CADPS: variants seen among roughly 807,000 people sequenced by gnomAD.
CADPS encodes calcium-dependent secretion activator 1.
Under a neutral mutation model 167.3 loss-of-function variants are expected in CADPS, and 57 were observed. The ratio of observed to expected loss-of-function variants is 0.34; its 90% CI spans 0.28 to 0.42. The LOEUF is 0.42. Among genes scored for constraint, CADPS ranks in the 20% least tolerant of loss-of-function variants. The pLI, the probability that CADPS is intolerant of heterozygous loss-of-function variation, is 1.00. For missense variants in CADPS, 1,414 were observed against 1,738.1 expected, an observed-to-expected ratio of 0.81 and a Z score of 3.32; for synonymous variants, 676 against 635.3, an observed-to-expected ratio of 1.06 and a Z score of -0.96.
intron 1 of CADPS, among the ~76,000 whole-genome samples, chr3:62,787,474 C>T (rs1316980250): frequency 6.6e-6 from 1 of 151,722 alleles, no homozygotes; most frequent in Non-Finnish European, 1.5e-5. Context: ...TTTATCATAC[C>T]ATTGATAAAT....
intron 8 of CADPS, among the ~76,000 whole-genome samples, chr3:62,573,605 A>C (rs1391039862): frequency 6.6e-6 from 1 of 152,168 alleles, no homozygotes; most frequent in Non-Finnish European, 1.5e-5. Context: ...ATTCCTGACC[A>C]CACCATAAAA....
intron 17 of CADPS, among the ~76,000 whole-genome samples, chr3:62,501,598 TTGGGGCACA>T (rs2151325137): frequency 6.6e-6 from 1 of 152,286 alleles, no homozygotes; most frequent in African/African-American, 2.4e-5. Context: ...GAAATCCCAC[TTGGGGCACA>T]TCTTTGAAAT....
intron 6 of CADPS, among the ~76,000 whole-genome samples, chr3:62,614,311 C>T (rs1407807546): frequency 6.6e-6 from 1 of 151,978 alleles, no homozygotes; most frequent in Non-Finnish European, 1.5e-5. Flanking sequence ...TATATGTGAC[C>T]CTCCCCCTGT....
chr3:62,431,148 A>G (rs191201345), intron 28 of CADPS, among the ~76,000 whole-genome samples: 2 of 152,278 alleles, frequency 1.3e-5, no homozygotes, highest in South Asian at 2.1e-4. Context: ...TCAGATTGAT[A>G]ACCTCGGGGA....
chr3:62,756,828 G>A (rs1224323602), intron 2 of CADPS, among the ~76,000 whole-genome samples: 2 of 152,154 alleles, frequency 1.3e-5, no homozygotes, highest in African/African-American at 4.8e-5. Flanking sequence ...TGTGGCTGTG[G>A]CAATGAGGGC....
At chr3:62,528,886 C>T (rs1331966060) in intron 13 of CADPS, among the ~76,000 whole-genome samples, 3 of 152,162 alleles carry the variant, frequency 2.0e-5, no homozygotes, top group African/African-American at 4.8e-5. Context: ...TGGCTGGGCG[C>T]GGTGGCTCAT....
intron 17 of CADPS, among the ~76,000 whole-genome samples, chr3:62,505,865 C>T (rs992775149): frequency 2.0e-5 from 3 of 152,110 alleles, no homozygotes; most frequent in African/African-American, 7.2e-5. Flanking sequence ...GGTAGGTCAT[C>T]AAATATTGGT....
Position 62,776,481 on chromosome 3 carries a change from C to T in CADPS, c.442-10497G>A, listed in dbSNP as rs181695533. Among the ~76,000 whole-genome samples, 20 of 152,176 alleles carry T rather than the reference C, an allele frequency of 1.3e-4. No individual in the cohort carries two copies. The East Asian group carries it at 3.7e-3, about 28-fold the overall frequency. On this transcript the variant is annotated intron_variant, in intron 1 of 29. Coordinates refer to ENST00000383710, the MANE Select transcript of CADPS (RefSeq NM_003716.4). ...CATCCTGGCTAACACGGTGAAACCC[C>T]GTCTCTACTAAAAATACAAAAAATT...
chr3:62,778,723 C>T (rs1029612536), intron 1 of CADPS, among the ~76,000 whole-genome samples: 7 of 152,148 alleles, frequency 4.6e-5, no homozygotes, highest in African/African-American at 1.4e-4. Flanking sequence ...AGAAACTTCA[C>T]GAGCATTTCT....
chr3:62,829,246 AAACAT>A (rs1368493415), intron 1 of CADPS, among the ~76,000 whole-genome samples: 2 of 152,190 alleles, frequency 1.3e-5, no homozygotes, highest in African/African-American at 2.4e-5. Context: ...TTTAAAAATA[AAACAT>A]AACAATCAAA....
intron 1 of CADPS, among the ~76,000 whole-genome samples, chr3:62,837,939 T>G (rs2076127592): frequency 6.6e-6 from 1 of 152,188 alleles, no homozygotes; most frequent in Non-Finnish European, 1.5e-5. Flanking sequence ...TAAAGATGGA[T>G]TAATTAAGCA....
chr3:62,806,091 C>T (rs575297444), intron 1 of CADPS, among the ~76,000 whole-genome samples: 46 of 152,200 alleles, frequency 3.0e-4, no homozygotes, highest in African/African-American at 1.1e-3. Flanking sequence ...CTGGGCGAGG[C>T]AGCTGTGTTC....
At chr3:62,778,717 A>G (rs2090929992) in intron 1 of CADPS, among the ~76,000 whole-genome samples, 1 of 152,198 alleles carries the variant, frequency 6.6e-6, no homozygotes, top group African/African-American at 2.4e-5. Flanking sequence ...AAGTTTAGAA[A>G]CTTCACGAGC....
intron 17 of CADPS, among the ~76,000 whole-genome samples, chr3:62,510,191 C>CATCTATCTATCTATCT (rs57153814): frequency 0.18 from 27,203 of 148,150 alleles, 2,540 homozygotes; most frequent in East Asian, 0.22. Context: ...CCTATTTCTG[C>CATCTATCTATCTATCT]ATCTATCTAT....
At chr3:62,585,691 C>A (rs914112964) in intron 7 of CADPS, among the ~76,000 whole-genome samples, 1 of 152,156 alleles carries the variant, frequency 6.6e-6, no homozygotes, top group Admixed American at 6.6e-5. Flanking sequence ...TTAGACAGTC[C>A]TTTTAGTCCA....
At chr3:62,462,004 A>G (rs1054948152) in intron 26 of CADPS, among the ~76,000 whole-genome samples, 1 of 152,246 alleles carries the variant, frequency 6.6e-6, no homozygotes, top group Non-Finnish European at 1.5e-5. Flanking sequence ...TAACACTTGC[A>G]GAGGACAGAG....
At chr3:62,454,797 G>C (rs1247360041) in intron 26 of CADPS, among the ~76,000 whole-genome samples, 1 of 152,078 alleles carries the variant, frequency 6.6e-6, no homozygotes, top group Non-Finnish European at 1.5e-5. Context: ...GAGTTGCAGG[G>C]CTACTGGTTG....
intron 6 of CADPS, among the ~76,000 whole-genome samples, chr3:62,637,478 C>T (rs1235574309): frequency 5.3e-5 from 8 of 152,164 alleles, no homozygotes; most frequent in Non-Finnish European, 1.2e-4. Flanking sequence ...TCACGTGTTA[C>T]ACCTCACAGT....
chr3:62,799,446 A>T (rs897672532), intron 1 of CADPS, among the ~76,000 whole-genome samples: 5 of 152,158 alleles, frequency 3.3e-5, no homozygotes, highest in African/African-American at 1.2e-4. Context: ...GAGAAAAATT[A>T]TACCTTCACA....
Sources: allele counts gnomAD v4.1 joint callset (sites outside exome capture counted in the v4.1 genomes callset), GRCh38; gene constraint gnomAD v4.1.1; transcripts MANE v1.5; gene names NCBI Gene and HGNC (gene_info 2026-07-23, HGNC 2026-07-21).